Variants in ABCB10 observed in about 807,000 individuals in gnomAD.
ABCB10 encodes ATP-binding cassette sub-family B member 10, mitochondrial.
In ABCB10, 54 loss-of-function variants were observed where a neutral mutation model predicts 65.4. That is an observed-to-expected ratio of 0.83 (90% CI 0.66 to 1.04). The LOEUF is 1.04. ABCB10 is among the 50% of genes least tolerant of loss of function. The pLI is 0.00. For synonymous variants in ABCB10, 418 were observed against 406.5 expected (o/e 1.03, Z -0.34); for missense variants, 846 against 976.6 (o/e 0.87, Z 1.78).
At chr1:229,546,369 T>C (rs775479103) in intron 3 of ABCB10, among the ~76,000 whole-genome samples, 2 of 152,146 alleles carry the variant, frequency 1.3e-5, no homozygotes, top group Non-Finnish European at 2.9e-5. Context: ...TGGTCAACAG[T>C]AGGCTATTAG....
chr1:229,530,276 G>GTC lies in ABCB10; in HGVS notation c.1567_1568insGA (p.Thr523ArgfsTer20). ...AGAACCACTTGGGCCAACCAGTGCC[G>GTC]TGACAGATCCTGACGGAATGGAAAG... is the stretch of plus-strand genomic sequence containing the variant. On this transcript the variant is annotated frameshift_variant, in exon 8 of 13. Coordinates refer to ENST00000344517, the MANE Select transcript of ABCB10 (RefSeq NM_012089.3). LOFTEE classifies it high-confidence loss of function. 6.2e-7 allele frequency: 1 copy of GTC among 1,614,138 alleles called. No individual in the cohort carries two copies. The highest frequency in any genetic ancestry group is 8.5e-7 in the Non-Finnish European group (1 of 1,180,022).
chr1:229,545,050 A>G (rs1662935794), intron 3 of ABCB10, among the ~76,000 whole-genome samples: 1 of 152,178 alleles, frequency 6.6e-6, no homozygotes, highest in South Asian at 2.1e-4. Context: ...ATTGTGAGAA[A>G]TACATTTCTG....
intron 1 of ABCB10, among the ~76,000 whole-genome samples, chr1:229,554,672 G>A (rs60679787): frequency 0.025 from 3,808 of 152,214 alleles, 161 homozygotes; most frequent in African/African-American, 0.085. Context: ...AATCTGATGT[G>A]ACAGCACAGC....
intron 6 of ABCB10, chr1:229,534,936 A>AGGCTGAGG (rs1662677777): frequency 7.5e-6 from 1 of 133,850 alleles, no homozygotes; most frequent in East Asian, 2.5e-4. Context: ...GCTCTTTGGG[A>AGGCTGAGG]GGCTGAGGCA....
intron 9 of ABCB10, among the ~76,000 whole-genome samples, chr1:229,526,784 ACT>A (rs923240654): frequency 2.6e-5 from 4 of 152,142 alleles, no homozygotes; most frequent in African/African-American, 7.2e-5. Flanking sequence ...TTACATTAAC[ACT>A]CTGCTTTGAA....
At chr1:229,537,978 C>T (rs1662759080) in intron 6 of ABCB10, among the ~76,000 whole-genome samples, 1 of 152,174 alleles carries the variant, frequency 6.6e-6, no homozygotes, top group South Asian at 2.1e-4. Flanking sequence ...TGTACACTGA[C>T]CTACCCATAT....
Position 229,538,319 on chromosome 1 carries a change from T to C in ABCB10, c.1339+1137A>G, listed in dbSNP as rs554421864. Among the ~76,000 whole-genome samples the C allele has an allele frequency of 2.8e-3, 425 of 152,230 alleles. 2 individuals carry two copies. The highest frequency in any genetic ancestry group is 3.6e-3 in the Non-Finnish European group (246 of 68,018). ...GGGCTGAGAAAGATCATGTCTAGCA[T>C]GGCAGAAAACATTAAGATGAGGGGA... On this transcript the variant is annotated intron_variant, in intron 6 of 12. Coordinates refer to ENST00000344517, the MANE Select transcript of ABCB10 (RefSeq NM_012089.3).
At position 229,543,302 on chromosome 1, in the gene ABCB10, T is replaced by G. The variant is rs12057790; in HGVS notation, c.922-931A>C. On this transcript the variant is annotated intron_variant, in intron 3 of 12. Coordinates refer to ENST00000344517, the MANE Select transcript of ABCB10 (RefSeq NM_012089.3). ...AGGAGCTTCTAGCAATTGGAATTGCTGAAAGAATAACCTAACTTCTGGAAG... is the reference window on the plus strand; with the variant it reads ...AGGAGCTTCTAGCAATTGGAATTGCGGAAAGAATAACCTAACTTCTGGAAG... Among the ~76,000 whole-genome samples, 1,379 of 152,278 alleles carry G rather than the reference T, an allele frequency of 9.1e-3. 21 individuals are homozygous for G. The highest frequency in any genetic ancestry group is 0.031 in the African/African-American group (1,301 of 41,556).
At position 229,549,324 on chromosome 1, in the gene ABCB10, T is replaced by G. The variant is rs1277276582; in HGVS notation, c.628A>C (p.Asn210His). The change falls in exon 2 of 13, where the codon AAC becomes CAC. Residue 210 changes from asparagine (N) to histidine (H), a missense_variant. By Grantham distance (68) the Asn-to-His change is moderately conservative. Coordinates refer to ENST00000344517, the MANE Select transcript of ABCB10 (RefSeq NM_012089.3). ...YTNPTVDYSD[N>H]LTRLCLGLSA... is the part of the protein sequence containing the mutation. ...AGCCCTAGGCAGAGGCGGGTCAGGT[T>G]GTCGCTGTAGTCCACAGTGGGGTTG... The G allele has an allele frequency of 2.2e-5, 36 of 1,614,066 alleles. No homozygotes were observed. Among genetic ancestry groups the G allele is most frequent in the Non-Finnish European group, 2.8e-5 (33 of 1,180,000 alleles).
intron 1 of ABCB10, among the ~76,000 whole-genome samples, chr1:229,556,330 C>T (rs976565060): frequency 6.6e-6 from 1 of 151,594 alleles, no homozygotes; most frequent in African/African-American, 2.4e-5. Context: ...TGAGATCACG[C>T]CATTGCACTC....
At chr1:229,550,849 G>A (rs1288741390) in intron 1 of ABCB10, among the ~76,000 whole-genome samples, 8 of 151,004 alleles carry the variant, frequency 5.3e-5, no homozygotes, top group African/African-American at 2.0e-4. Context: ...GGATGACAGA[G>A]CAAGACTCTG....
intron 1 of ABCB10, among the ~76,000 whole-genome samples, chr1:229,555,550 A>T (rs1307008767): frequency 6.6e-6 from 1 of 152,278 alleles, no homozygotes; most frequent in African/African-American, 2.4e-5. Context: ...TGATGCAATC[A>T]AAGTTTTCTG....
intron 11 of ABCB10, among the ~76,000 whole-genome samples, chr1:229,520,471 A>C (rs1009392278): frequency 2.5e-4 from 38 of 151,960 alleles, no homozygotes; most frequent in African/African-American, 8.4e-4. Flanking sequence ...CTCTGTCTCA[A>C]AAAAAAGAAA....
intron 8 of ABCB10, among the ~76,000 whole-genome samples, chr1:229,529,925 C>T (rs1408382954): frequency 2.0e-5 from 3 of 152,024 alleles, no homozygotes; most frequent in South Asian, 2.1e-4. Flanking sequence ...AGGAGATACC[C>T]GCATGGGAGA....
chr1:229,538,921 T>G (rs1417817848), intron 6 of ABCB10, among the ~76,000 whole-genome samples: 1 of 152,174 alleles, frequency 6.6e-6, no homozygotes, highest in Non-Finnish European at 1.5e-5. Flanking sequence ...TATCCGGGAA[T>G]GAAAAATAAA....
chr1:229,547,246 C>T (rs1351185076), intron 3 of ABCB10, among the ~76,000 whole-genome samples: 2 of 152,238 alleles, frequency 1.3e-5, no homozygotes. Context: ...CGGGTACACA[C>T]ATCTCAGAAT....
At chr1:229,549,149 C>G (rs1440957749) in intron 2 of ABCB10, 85 bp downstream of exon 2, 1 of 1,411,500 alleles carries the variant, frequency 7.1e-7, no homozygotes, top group African/African-American at 1.4e-5. Flanking sequence ...GAGCCTGGAG[C>G]ACATGAGATT....
At chr1:229,529,327 A>AAAAAAAAAAAAC (rs1662522682) in intron 8 of ABCB10, among the ~76,000 whole-genome samples, 1 of 137,256 alleles carries the variant, frequency 7.3e-6, no homozygotes, top group Non-Finnish European at 1.6e-5. Context: ...AAAAAAAAAA[A>AAAAAAAAAAAAC]AAGAAAATCC....
intron 8 of ABCB10, among the ~76,000 whole-genome samples, chr1:229,528,952 T>A (rs1571960732): frequency 6.6e-6 from 1 of 152,002 alleles, no homozygotes; most frequent in South Asian, 2.1e-4. Context: ...GATGTTATAA[T>A]CCAGTTAAAA....
Sources: allele counts gnomAD v4.1 joint callset (sites outside exome capture counted in the v4.1 genomes callset), GRCh38; gene constraint gnomAD v4.1.1; transcripts MANE v1.5; gene names NCBI Gene and HGNC (gene_info 2026-07-23, HGNC 2026-07-21).